NARS2: variants seen among roughly 807,000 people sequenced by gnomAD.
The protein encoded by NARS2 is asparaginyl-tRNA synthetase.
NARS2 carries 60 observed loss-of-function variants against 62.9 expected under a neutral mutation model. That is an observed-to-expected ratio of 0.95 (90% CI 0.77 to 1.18). NARS2 has a LOEUF of 1.18. NARS2 is among the 50% of genes most tolerant of loss of function. The pLI is 0.00. For missense variants in NARS2, 619 were observed against 576.4 expected, an observed-to-expected ratio of 1.07 and a Z score of -0.76; for synonymous variants, 196 against 200.0, an observed-to-expected ratio of 0.98 and a Z score of 0.17.
At chr11:78,512,729 T>C (rs933036753) in intron 6 of NARS2, among the ~76,000 whole-genome samples, 2 of 152,216 alleles carry the variant, frequency 1.3e-5, no homozygotes, top group Non-Finnish European at 2.9e-5. Context: ...ACAGCACTGG[T>C]CACCCTCTAT....
intron 5 of NARS2, among the ~76,000 whole-genome samples, chr11:78,535,943 C>T (rs982267124): frequency 6.6e-6 from 1 of 152,018 alleles, no homozygotes; most frequent in Non-Finnish European, 1.5e-5. Flanking sequence ...GGTTATTTTG[C>T]ATCTCAGAAC....
At position 78,436,797 on chromosome 11, in the gene NARS2, C is replaced by T. The variant is rs146549914; in HGVS notation, c.1307G>A (p.Arg436Gln). The change falls in exon 14 of 14, where the codon CGA becomes CAA. Residue 436 changes from arginine to glutamine, a missense_variant. Transcript: ENST00000281038. ...ACCTCCATGTGGCACAGATCCAAAT[C>T]GACGAAGGTCCAGATACCTGTTTTT... ...EVYQWYLDLR[R>Q]FGSVPHGGFG... 67 of 1,613,910 alleles carry T rather than the reference C, an allele frequency of 4.2e-5. No homozygotes were observed. In the Admixed American group the frequency reaches 4.7e-4, roughly 11 times the overall value.
chr11:78,470,882 A>ATTTTTTTT (rs67863152), intron 9 of NARS2, among the ~76,000 whole-genome samples: 1 of 135,162 alleles, frequency 7.4e-6, no homozygotes, highest in Non-Finnish European at 1.5e-5. Flanking sequence ...AGTATTTTGG[A>ATTTTTTTT]TTTTTTTTTT....
intron 6 of NARS2, among the ~76,000 whole-genome samples, chr11:78,500,118 G>A (rs931827468): frequency 2.6e-5 from 4 of 152,166 alleles, no homozygotes; most frequent in Admixed American, 6.5e-5. Context: ...AGAGGTAGAG[G>A]AGTCATTATA....
At chr11:78,554,718 C>A (rs1270069240) in intron 5 of NARS2, among the ~76,000 whole-genome samples, 1 of 152,188 alleles carries the variant, frequency 6.6e-6, no homozygotes, top group African/African-American at 2.4e-5. Flanking sequence ...TGTCTGCAAA[C>A]AGACATAGTT....
chr11:78,553,096 T>C (rs1856188228), intron 5 of NARS2, among the ~76,000 whole-genome samples: 1 of 152,146 alleles, frequency 6.6e-6, no homozygotes, highest in Admixed American at 6.5e-5. Context: ...GGGTTTCCCT[T>C]TTCTCTGTAA....
At chr11:78,568,593 A>C (rs1172270901) in intron 3 of NARS2, 39 bp downstream of exon 3, 1 of 1,589,170 alleles carries the variant, frequency 6.3e-7, no homozygotes, top group Non-Finnish European at 8.6e-7. Flanking sequence ...GTCTTAATTA[A>C]AGCCTAAACA....
At chr11:78,537,372 G>C (rs569121243) in intron 5 of NARS2, among the ~76,000 whole-genome samples, 2 of 152,302 alleles carry the variant, frequency 1.3e-5, no homozygotes, top group African/African-American at 2.4e-5. Flanking sequence ...AAGCTGAAGA[G>C]GTGGCTTGTA....
chr11:78,516,971 G>C (rs1860935877), intron 6 of NARS2, among the ~76,000 whole-genome samples: 1 of 152,176 alleles, frequency 6.6e-6, no homozygotes, highest in Non-Finnish European at 1.5e-5. Context: ...AGGTGATGGT[G>C]GTGGTTAAGG....
In NARS2 at chr11:78,493,062, C is replaced by A; in HGVS notation, c.822+1G>T. On this transcript the variant is annotated splice_donor_variant, in intron 7 of 13. Transcript: ENST00000281038. LOFTEE classifies it high-confidence loss of function. Reference sequence around the variant, plus strand: ...TGGTATTTTAAAACTTGTGTACCTACCTGCATAAGATCTTGAAGGCTGTCA... The same window carrying A: ...TGGTATTTTAAAACTTGTGTACCTAACTGCATAAGATCTTGAAGGCTGTCA... 6.2e-7 allele frequency: 1 copy of A among 1,607,566 alleles called. No individual in the cohort carries two copies. Among genetic ancestry groups the A allele is most frequent in the East Asian group, 2.2e-5 (1 of 44,842 alleles).
At chr11:78,449,373 G>A (rs1475707867) in intron 11 of NARS2, among the ~76,000 whole-genome samples, 4 of 151,816 alleles carry the variant, frequency 2.6e-5, no homozygotes, top group African/African-American at 7.3e-5. Flanking sequence ...TCCTGACCTC[G>A]TGATCCGCCT....
At position 78,493,169 on chromosome 11, in the gene NARS2, C is replaced by A. The variant is rs749578567; in HGVS notation, c.716G>T (p.Gly239Val). 1 of 1,613,714 alleles carries A rather than the reference C, an allele frequency of 6.2e-7. No homozygotes were observed. The highest frequency in any genetic ancestry group is 8.5e-7 in the Non-Finnish European group (1 of 1,179,884). ...AGAATTTTCAGCTCGGAAGGTCGGA[C>A]CAAAGGTAAACACTTGAGTAAAAGC... ...SGAFTQVFTF[G>V]PTFRAENSQS... The change falls in exon 7 of 14, where the codon GGT (glycine) becomes GTT (valine). Residue 239 changes from glycine (G) to valine (V), a missense_variant. Physicochemically the swap from Gly to Val is moderately radical, Grantham distance 109. Coordinates refer to ENST00000281038, the MANE Select transcript of NARS2 (RefSeq NM_024678.6).
At chr11:78,463,801 C>T (rs749158826) in intron 11 of NARS2, among the ~76,000 whole-genome samples, 1 of 148,948 alleles carries the variant, frequency 6.7e-6, no homozygotes, top group Non-Finnish European at 1.5e-5. Flanking sequence ...AAGAGACGGT[C>T]AGACAAGAGC....
intron 2 of NARS2, among the ~76,000 whole-genome samples, chr11:78,570,239 C>T (rs1317597186): frequency 6.6e-6 from 1 of 151,700 alleles, no homozygotes; most frequent in African/African-American, 2.4e-5. Flanking sequence ...TTTGTTCTGC[C>T]CAGTTAACCA....
At chr11:78,461,602 T>TAAAAAAAAAAAAAAAAAAAAAAAAAAA (rs59664343) in intron 11 of NARS2, among the ~76,000 whole-genome samples, 1 of 64,086 alleles carries the variant, frequency 1.6e-5, no homozygotes, top group African/African-American at 6.1e-5. Context: ...GCTGTGCTGG[T>TAAAAAAAAAAAAAAAAAAAAAAAAAAA]AAAAAAAAAA....
chr11:78,445,737 G>A (rs146512517), intron 11 of NARS2, among the ~76,000 whole-genome samples: 73 of 152,188 alleles, frequency 4.8e-4, no homozygotes, highest in African/African-American at 1.7e-3. Flanking sequence ...ACTGCTTGAG[G>A]CCAGGAATTT....
chr11:78,573,017 T>G (rs555554466), intron 1 of NARS2: 7 of 152,354 alleles, frequency 4.6e-5, no homozygotes, highest in Admixed American at 1.3e-4. Flanking sequence ...GGTTCTCTTT[T>G]CATCTTTGAA....
At chr11:78,464,175 T>C (rs1263884474) in intron 11 of NARS2, among the ~76,000 whole-genome samples, 2 of 151,778 alleles carry the variant, frequency 1.3e-5, no homozygotes, top group Non-Finnish European at 2.9e-5. Flanking sequence ...TTAGGCGGCG[T>C]GTCTGGAGTT....
chr11:78,574,776 A>G lies in NARS2; in HGVS notation c.-288T>C. 1 of 414,664 alleles carries G rather than the reference A, an allele frequency of 2.4e-6. No homozygotes were observed. Among genetic ancestry groups the G allele is most frequent in the South Asian group, 3.4e-5 (1 of 29,348 alleles). The allele number at this position is 414,664 out of a possible 1,614,324, so 25.7% of individuals were successfully genotyped here. A position where few individuals can be genotyped will look rare whatever the true frequency, so the allele number is the denominator to read the frequency against. ...GCTGGGGCGCCCCACTACCCGCGAC[A>G]ATTGTAAACCTACGAACAGAACCCG... On this transcript the variant is annotated 5_prime_UTR_variant, in exon 1 of 14. Coordinates refer to ENST00000281038, the MANE Select transcript of NARS2 (RefSeq NM_024678.6).
Sources: gnomAD v4.1 joint callset for allele counts (sites outside exome capture counted in the v4.1 genomes callset) on GRCh38, gnomAD v4.1.1 for gene constraint, MANE v1.5 for transcripts, NCBI Gene and HGNC (gene_info 2026-07-23, HGNC 2026-07-21) for gene names.